The following PLD5 variants were observed in gnomAD, a reference collection of about 807,000 sequenced individuals.
PLD5 encodes phospholipase D family member 5, also known as inactive phospholipase D5.
A neutral mutation model predicts 61.1 loss-of-function variants in PLD5; 36 were observed. That is an observed-to-expected ratio of 0.59 (90% CI 0.45 to 0.78). The LOEUF (loss-of-function observed/expected upper bound fraction) is 0.78. Among genes scored for constraint, PLD5 ranks in the 30% least tolerant of loss-of-function variants. The probability of loss-of-function intolerance (pLI) is 0.00; values close to 1 mark genes in which losing one functional copy is unlikely to be tolerated. For synonymous variants in PLD5, 243 were observed against 242.8 expected, an observed-to-expected ratio of 1.00 and a Z score of -0.01; for missense variants, 515 against 644.4, an observed-to-expected ratio of 0.80 and a Z score of 2.17.
intron 2 of PLD5, among the ~76,000 whole-genome samples, chr1:242,322,545 G>A (rs758455036): frequency 6.6e-6 from 1 of 152,138 alleles, no homozygotes; most frequent in Non-Finnish European, 1.5e-5. Flanking sequence ...GTTTGGTTCT[G>A]TGTCCCCACC....
chr1:242,476,690 G>T (rs1180198060), intron 1 of PLD5, among the ~76,000 whole-genome samples: 1 of 152,164 alleles, frequency 6.6e-6, no homozygotes, highest in Non-Finnish European at 1.5e-5. Flanking sequence ...AAATTCATAG[G>T]ATGGTATAGA....
intron 2 of PLD5, among the ~76,000 whole-genome samples, chr1:242,325,382 G>C (rs1658686045): frequency 6.8e-6 from 1 of 147,258 alleles, no homozygotes; most frequent in Non-Finnish European, 1.5e-5. Context: ...TAGGGAGAGA[G>C]AGGGAGAGAG....
rs893942468 is a variant in PLD5, at chr1:242,114,446, T to G, written c.934-420A>C. 8.5e-5 allele frequency among the ~76,000 whole-genome samples: 13 copies of G among 152,316 alleles called. No individual in the cohort carries two copies. In the East Asian group the frequency reaches 2.5e-3, roughly 29 times the overall value. Reference sequence around the variant, plus strand: ...ACATTCAATATCTTCCTTCTAACTATTTGAAACTATCTAATATATTATTGT... The same window carrying G: ...ACATTCAATATCTTCCTTCTAACTAGTTGAAACTATCTAATATATTATTGT... On this transcript the variant is annotated intron_variant, in intron 6 of 9. Transcript: ENST00000536534.
chr1:242,091,716 A>G (rs1659836231), intron 9 of PLD5, among the ~76,000 whole-genome samples: 1 of 152,164 alleles, frequency 6.6e-6, no homozygotes, highest in African/African-American at 2.4e-5. Flanking sequence ...TAGCTTTTAC[A>G]TAGATAAGAC....
chr1:242,253,848 T>C (rs921504851), intron 4 of PLD5, among the ~76,000 whole-genome samples: 20 of 152,222 alleles, frequency 1.3e-4, no homozygotes, highest in Non-Finnish European at 2.4e-4. Flanking sequence ...ATTTTATGTG[T>C]TTAGATGGGT....
At chr1:242,483,188 G>A (rs531700160) in intron 1 of PLD5, among the ~76,000 whole-genome samples, 21 of 152,194 alleles carry the variant, frequency 1.4e-4, no homozygotes, top group African/African-American at 4.6e-4. Flanking sequence ...CTAATGATAG[G>A]ATCAAATTCA....
chr1:242,204,753 T>C (rs1166212919), intron 5 of PLD5, among the ~76,000 whole-genome samples: 1 of 152,164 alleles, frequency 6.6e-6, no homozygotes, highest in Non-Finnish European at 1.5e-5. Flanking sequence ...GATGAGCGAA[T>C]GGAATTTAGG....
At chr1:242,449,166 T>C (rs1666678608) in intron 1 of PLD5, among the ~76,000 whole-genome samples, 1 of 152,178 alleles carries the variant, frequency 6.6e-6, no homozygotes, top group African/African-American at 2.4e-5. Flanking sequence ...ATGAAAGGAA[T>C]CATTTTTCAA....
At chr1:242,375,468 A>G (rs1572007283) in intron 1 of PLD5, among the ~76,000 whole-genome samples, 1 of 152,206 alleles carries the variant, frequency 6.6e-6, no homozygotes, top group East Asian at 1.9e-4. Context: ...TCCCACGTTT[A>G]TCTACAAATG....
In PLD5 at chr1:242,132,199, G is replaced by GC. The variant is rs1553305602; in HGVS notation, c.736-7535_736-7534insG. ...AAGAGAATGCAGTGATTGCGGGGGG[G>GC]GGGGGGGGCGGAATCATTTTTAGCT... On this transcript the variant is annotated intron_variant, in intron 5 of 9. Coordinates refer to ENST00000536534, the MANE Select transcript of PLD5 (RefSeq NM_001372062.1). Among the ~76,000 whole-genome samples the GC allele has an allele frequency of 9.2e-5, 9 of 97,800 alleles. 2 individuals are homozygous for GC. Among genetic ancestry groups the GC allele is most frequent in the African/African-American group, 1.9e-4 (5 of 26,932 alleles). The allele number at this position is 97,800 out of a possible 152,430, so 64.2% of individuals were successfully genotyped here.
At chr1:242,301,775 A>ATTATTG (rs1676054354) in intron 2 of PLD5, among the ~76,000 whole-genome samples, 1 of 129,756 alleles carries the variant, frequency 7.7e-6, no homozygotes, top group African/African-American at 2.6e-5. Context: ...CATTATTATT[A>ATTATTG]TTATTATTAT....
intron 1 of PLD5, among the ~76,000 whole-genome samples, chr1:242,425,999 G>A (rs898445695): frequency 6.6e-6 from 1 of 152,042 alleles, no homozygotes; most frequent in African/African-American, 2.4e-5. Flanking sequence ...TTTGACTCTT[G>A]TATTAACACT....
At chr1:242,310,943 T>C (rs1441977309) in intron 2 of PLD5, among the ~76,000 whole-genome samples, 1 of 152,202 alleles carries the variant, frequency 6.6e-6, no homozygotes, top group Non-Finnish European at 1.5e-5. Flanking sequence ...CAGAATCTTT[T>C]ATGTGAAACT....
intron 5 of PLD5, among the ~76,000 whole-genome samples, chr1:242,210,042 G>T (rs1215109866): frequency 2.0e-5 from 3 of 152,136 alleles, no homozygotes; most frequent in African/African-American, 7.2e-5. Flanking sequence ...TGATCTGCCC[G>T]CCTCGGCCTC....
At chr1:242,362,089 A>G (rs1661101607) in intron 1 of PLD5, among the ~76,000 whole-genome samples, 1 of 152,098 alleles carries the variant, frequency 6.6e-6, no homozygotes, top group Non-Finnish European at 1.5e-5. Context: ...AAAAATTAAA[A>G]TTATTCATAT....
Position 242,087,769 on chromosome 1 carries a change from A to G in PLD5, c.*2085T>C, listed in dbSNP as rs974433434. ...CTGCTTTCTTTTTAAAATCATCACC[A>G]AAGCCACGTTTACTTTATTGGGATA... On this transcript the variant is annotated 3_prime_UTR_variant, in exon 10 of 10. Transcript: ENST00000536534. 1.3e-5 allele frequency: 2 copies of G among 152,298 alleles called. No individual in the cohort carries two copies. The highest frequency in any genetic ancestry group is 3.4e-3 in the Middle Eastern group (1 of 294). 9.4% of individuals were successfully genotyped at this position (152,298 alleles called of 1,614,324 possible). A position where few individuals can be genotyped will look rare whatever the true frequency, so the allele number is the denominator to read the frequency against.
chr1:242,287,206 C>T (rs1675075470), intron 3 of PLD5, among the ~76,000 whole-genome samples: 1 of 152,168 alleles, frequency 6.6e-6, no homozygotes, highest in Non-Finnish European at 1.5e-5. Context: ...AGCTGAGATA[C>T]CAGATATGTG....
chr1:242,089,462 C>A lies in PLD5; in HGVS notation c.*392G>T. 2.3e-6 allele frequency: 1 copy of A among 428,530 alleles called. No homozygotes were observed. Among genetic ancestry groups the A allele is most frequent in the Non-Finnish European group, 4.1e-6 (1 of 244,048 alleles). The allele number at this position is 428,530 out of a possible 1,614,324, so 26.5% of individuals were successfully genotyped here. A position where few individuals can be genotyped will look rare whatever the true frequency, so the allele number is the denominator to read the frequency against. The stretch of plus-strand genomic sequence containing the variant: ...TCTCTTCTCCAAGGCAAAATCCTCA[C>A]CTTCCTCTCTAAATCAACAGTTCTC... On this transcript the variant is annotated 3_prime_UTR_variant, in exon 10 of 10. Transcript: ENST00000536534.
chr1:242,411,933 T>C (rs1664579811), intron 1 of PLD5, among the ~76,000 whole-genome samples: 2 of 142,454 alleles, frequency 1.4e-5, no homozygotes, highest in African/African-American at 5.0e-5. Flanking sequence ...ATAATTTTCC[T>C]TTAAAAAAGA....
Sources: gnomAD v4.1 joint callset for allele counts (sites outside exome capture counted in the v4.1 genomes callset) on GRCh38, gnomAD v4.1.1 for gene constraint, MANE v1.5 for transcripts, NCBI Gene and HGNC (gene_info 2026-07-23, HGNC 2026-07-21) for gene names.